The following DAB1 variants were observed in gnomAD, a reference collection of about 807,000 sequenced individuals.
DAB1 encodes the protein disabled homolog 1.
DAB1 carries 15 observed loss-of-function variants against 64.6 expected under a neutral mutation model. The observed-to-expected ratio is 0.23, with a 90% CI of 0.16 to 0.36. The LOEUF is 0.36. Among genes scored for constraint, DAB1 ranks in the 10% least tolerant of loss-of-function variants. The pLI, the probability that DAB1 is intolerant of heterozygous loss-of-function variation, is 1.00. For synonymous variants in DAB1, 235 were observed against 251.9 expected, an observed-to-expected ratio of 0.93 and a Z score of 0.64; for missense variants, 596 against 706.7, an observed-to-expected ratio of 0.84 and a Z score of 1.78.
At chr1:57,469,756 C>A (rs567331355) in intron 7 of DAB1, among the ~76,000 whole-genome samples, 2 of 152,218 alleles carry the variant, frequency 1.3e-5, no homozygotes, top group South Asian at 2.1e-4. Flanking sequence ...AAGGCCAGAA[C>A]TTTTCAAAGT....
At chr1:58,229,199 T>C (rs1056211972) in intron 4 of DAB1, among the ~76,000 whole-genome samples, 2 of 152,138 alleles carry the variant, frequency 1.3e-5, no homozygotes, top group Admixed American at 6.5e-5. Context: ...AAACTTCTGG[T>C]CTCAAGGCAT....
chr1:57,182,723 C>T (rs147731622), intron 2 of DAB1, among the ~76,000 whole-genome samples: 6 of 152,146 alleles, frequency 3.9e-5, no homozygotes, highest in African/African-American at 1.4e-4. Context: ...AGGGGGACAG[C>T]TGAGATGATT....
chr1:58,125,661 G>A (rs1653020895), intron 5 of DAB1, among the ~76,000 whole-genome samples: 1 of 152,034 alleles, frequency 6.6e-6, no homozygotes. Flanking sequence ...GCCCAGGCTG[G>A]TCTTGAACTC....
intron 5 of DAB1, among the ~76,000 whole-genome samples, chr1:58,125,619 A>T (rs1340370383): frequency 2.0e-5 from 3 of 151,728 alleles, no homozygotes; most frequent in Non-Finnish European, 4.4e-5. Context: ...TTTTTAAAAA[A>T]ATGTTTTGCG....
At chr1:57,600,068 C>T (rs1645558294) in intron 7 of DAB1, among the ~76,000 whole-genome samples, 1 of 152,116 alleles carries the variant, frequency 6.6e-6, no homozygotes, top group African/African-American at 2.4e-5. Flanking sequence ...AAGTCCTGCC[C>T]CACCTCACCC....
intron 1 of DAB1, among the ~76,000 whole-genome samples, chr1:57,313,057 C>T (rs1019044264): frequency 2.6e-5 from 4 of 152,210 alleles, no homozygotes; most frequent in Non-Finnish European, 5.9e-5. Context: ...TTCTGTCTGT[C>T]GTTATCCAGG....
intron 7 of DAB1, among the ~76,000 whole-genome samples, chr1:57,448,919 C>T (rs1353807281): frequency 6.6e-6 from 1 of 152,164 alleles, no homozygotes; most frequent in Non-Finnish European, 1.5e-5. Flanking sequence ...GTTACATGTT[C>T]ATTTTCCCAA....
At chr1:57,993,955 T>C (rs527426401) in intron 5 of DAB1, among the ~76,000 whole-genome samples, 5 of 152,184 alleles carry the variant, frequency 3.3e-5, no homozygotes, top group Non-Finnish European at 7.4e-5. Flanking sequence ...ACACAGAATT[T>C]AAATAATACA....
chr1:58,382,292 G>A (rs534660621), intron 3 of DAB1, among the ~76,000 whole-genome samples: 13 of 152,226 alleles, frequency 8.5e-5, no homozygotes, highest in South Asian at 8.3e-4. Context: ...GAGCCAAGGC[G>A]GGGATTCTGC....
At chr1:57,409,191 C>T (rs149840882) in intron 1 of DAB1, among the ~76,000 whole-genome samples, 252 of 152,280 alleles carry the variant, frequency 1.7e-3, no homozygotes, top group African/African-American at 5.8e-3. Flanking sequence ...GTCTATCATA[C>T]CACAGAGGTA....
chr1:58,400,532 A>T (rs541057449), intron 3 of DAB1, among the ~76,000 whole-genome samples: 67 of 152,318 alleles, frequency 4.4e-4, no homozygotes, highest in African/African-American at 1.6e-3. Flanking sequence ...AAGTTTAGAG[A>T]AACAGACAGG....
At chr1:57,583,983 C>T (rs902725619) in intron 7 of DAB1, among the ~76,000 whole-genome samples, 1 of 152,168 alleles carries the variant, frequency 6.6e-6, no homozygotes, top group Non-Finnish European at 1.5e-5. Flanking sequence ...CTGAGAAGGA[C>T]TCCGTACTTC....
intron 5 of DAB1, among the ~76,000 whole-genome samples, chr1:58,139,260 A>G (rs942414975): frequency 6.6e-6 from 1 of 152,084 alleles, no homozygotes; most frequent in African/African-American, 2.4e-5. Context: ...ATCAAAATAC[A>G]TTATTGGTTC....
intron 7 of DAB1, among the ~76,000 whole-genome samples, chr1:57,634,508 G>C (rs968659861): frequency 2.0e-5 from 3 of 152,182 alleles, no homozygotes; most frequent in African/African-American, 7.2e-5. Flanking sequence ...CAAATGAAAT[G>C]ATCACTGCAG....
At chr1:58,238,001 T>A (rs1157017913) in intron 4 of DAB1, among the ~76,000 whole-genome samples, 1 of 152,224 alleles carries the variant, frequency 6.6e-6, no homozygotes, top group East Asian at 1.9e-4. Context: ...TGTCTGAAGC[T>A]ATACAACCAT....
intron 4 of DAB1, among the ~76,000 whole-genome samples, chr1:58,218,118 T>A (rs1221520973): frequency 6.6e-6 from 1 of 152,186 alleles, no homozygotes; most frequent in Non-Finnish European, 1.5e-5. Flanking sequence ...TATCCTTGCC[T>A]TCTGGGTGAG....
At chr1:57,342,430 C>T (rs1320197901) in intron 1 of DAB1, among the ~76,000 whole-genome samples, 1 of 152,092 alleles carries the variant, frequency 6.6e-6, no homozygotes, top group East Asian at 1.9e-4. Context: ...GTGCATTTGC[C>T]AAAAGCATAG....
At chr1:57,566,198 G>A (rs902422181) in intron 7 of DAB1, among the ~76,000 whole-genome samples, 1 of 152,154 alleles carries the variant, frequency 6.6e-6, no homozygotes, top group African/African-American at 2.4e-5. Flanking sequence ...CAAAATGAAG[G>A]CAGAAATAAA....
At chr1:57,464,341 C>T (rs1191973058) in intron 7 of DAB1, among the ~76,000 whole-genome samples, 3 of 152,116 alleles carry the variant, frequency 2.0e-5, no homozygotes, top group Non-Finnish European at 4.4e-5. Context: ...CCACCAGTTA[C>T]CTGAGTAACT....
Sources: gnomAD v4.1 joint callset for allele counts (sites outside exome capture counted in the v4.1 genomes callset) on GRCh38, gnomAD v4.1.1 for gene constraint, MANE v1.5 for transcripts, NCBI Gene and HGNC (gene_info 2026-07-23, HGNC 2026-07-21) for gene names.